The following TMEM178B variants were observed in gnomAD, a reference collection of about 807,000 sequenced individuals.
The protein encoded by TMEM178B is transmembrane protein 178B.
TMEM178B carries 5 observed loss-of-function variants against 31.0 expected under a neutral mutation model. That is an observed-to-expected ratio of 0.16 (90% CI 0.08 to 0.34). The LOEUF (loss-of-function observed/expected upper bound fraction) is 0.34. Among genes scored for constraint, TMEM178B ranks in the 10% least tolerant of loss-of-function variants. The pLI, the probability that TMEM178B is intolerant of heterozygous loss-of-function variation, is 1.00. For missense variants in TMEM178B, 275 were observed against 400.3 expected (o/e 0.69, Z 2.67); for synonymous variants, 164 against 164.0 (o/e 1.00, Z 0.00).
At chr7:141,463,192 GT>G (rs1802088530) in intron 3 of TMEM178B, among the ~76,000 whole-genome samples, 2 of 152,150 alleles carry the variant, frequency 1.3e-5, no homozygotes, top group South Asian at 4.2e-4. Context: ...ATTAGTTTTC[GT>G]TTCTCATTCC....
intron 2 of TMEM178B, among the ~76,000 whole-genome samples, chr7:141,295,398 C>G (rs1798614389): frequency 6.6e-6 from 1 of 152,162 alleles, no homozygotes; most frequent in South Asian, 2.1e-4. Flanking sequence ...AGCTGGTGAC[C>G]CAGCAGGTGT....
At chr7:141,346,889 G>T (rs575585500) in intron 2 of TMEM178B, among the ~76,000 whole-genome samples, 153 of 152,292 alleles carry the variant, frequency 1.0e-3, no homozygotes, top group African/African-American at 3.6e-3. Flanking sequence ...ATCCCCATAT[G>T]TTGAAGGTGG....
At chr7:141,324,595 A>C (rs1799158495) in intron 2 of TMEM178B, among the ~76,000 whole-genome samples, 1 of 151,746 alleles carries the variant, frequency 6.6e-6, no homozygotes, top group African/African-American at 2.4e-5. Context: ...CATGCCTTTG[A>C]GCAATTTCTC....
At chr7:141,401,458 G>C (rs1800765118) in intron 2 of TMEM178B, among the ~76,000 whole-genome samples, 2 of 152,156 alleles carry the variant, frequency 1.3e-5, no homozygotes, top group African/African-American at 4.8e-5. Flanking sequence ...CTGTCACCCA[G>C]GCTCGAGCAC....
intron 1 of TMEM178B, among the ~76,000 whole-genome samples, chr7:141,198,527 T>G (rs1796822630): frequency 6.6e-6 from 1 of 152,254 alleles, no homozygotes; most frequent in Admixed American, 6.5e-5. Flanking sequence ...TGCTGAATCC[T>G]TAATTTAAAG....
At chr7:141,086,752 T>C (rs1415409961) in intron 1 of TMEM178B, among the ~76,000 whole-genome samples, 3 of 152,264 alleles carry the variant, frequency 2.0e-5, no homozygotes, top group East Asian at 1.9e-4. Context: ...CACGCTGGAG[T>C]GCAGTGGTGT....
chr7:141,175,252 G>A (rs951418489), intron 1 of TMEM178B, among the ~76,000 whole-genome samples: 1 of 152,138 alleles, frequency 6.6e-6, no homozygotes, highest in African/African-American at 2.4e-5. Context: ...TGTCAGGTTT[G>A]TCAAAGATCA....
At chr7:141,504,036 GA>G in the TMEM178B span, among the ~76,000 whole-genome samples, 1 of 152,196 alleles carries the variant, frequency 6.6e-6, no homozygotes, top group African/African-American at 2.4e-5. Context: ...CAGAATTTTA[GA>G]AGAAAAGACC....
At chr7:141,179,333 T>C (rs1796480932) in intron 1 of TMEM178B, among the ~76,000 whole-genome samples, 1 of 152,198 alleles carries the variant, frequency 6.6e-6, no homozygotes, top group African/African-American at 2.4e-5. Context: ...AGTGGCAGCA[T>C]TTGCCAATGG....
chr7:141,253,848 G>A (rs969500425), intron 2 of TMEM178B, among the ~76,000 whole-genome samples: 12 of 152,096 alleles, frequency 7.9e-5, no homozygotes, highest in Admixed American at 4.6e-4. Flanking sequence ...CACCGCGCCC[G>A]GCCCCCTTCA....
In TMEM178B at chr7:141,241,420, C is replaced by T. The variant is rs142657871; in HGVS notation, c.496+28716C>T. Among the ~76,000 whole-genome samples the T allele has an allele frequency of 2.6e-3, 392 of 151,704 alleles. 1 individual carries two copies. The highest frequency in any genetic ancestry group is 0.017 in the Middle Eastern group (5 of 294). On this transcript the variant is annotated intron_variant, in intron 2 of 3. Transcript: ENST00000565468. Reference sequence around the variant, plus strand: ...CAGCCTGGCCAACATGGTGAAAACCCGTCTCTACTAAAAATACAAAAATTA... The same window carrying T: ...CAGCCTGGCCAACATGGTGAAAACCTGTCTCTACTAAAAATACAAAAATTA...
intron 2 of TMEM178B, among the ~76,000 whole-genome samples, chr7:141,423,805 GTTTTTTTTTTT>G (rs5888005): frequency 7.4e-5 from 8 of 108,798 alleles, no homozygotes; most frequent in Admixed American, 1.0e-4. Context: ...TGACATTTGT[GTTTTTTTTTTT>G]TTTTTTTTTT....
At chr7:141,078,910 G>A (rs546744164) in intron 1 of TMEM178B, among the ~76,000 whole-genome samples, 7 of 152,226 alleles carry the variant, frequency 4.6e-5, no homozygotes, top group South Asian at 2.1e-4. Context: ...CAGGGAGCTC[G>A]TATATCAAAT....
At chr7:141,105,438 C>T (rs1174701475) in intron 1 of TMEM178B, among the ~76,000 whole-genome samples, 1 of 152,118 alleles carries the variant, frequency 6.6e-6, no homozygotes, top group African/African-American at 2.4e-5. Flanking sequence ...ACCCAGGAGA[C>T]GGAGGTTGCA....
intron 2 of TMEM178B, among the ~76,000 whole-genome samples, chr7:141,263,260 CT>C (rs1290171877): frequency 5.3e-5 from 8 of 152,170 alleles, no homozygotes; most frequent in African/African-American, 1.9e-4. Flanking sequence ...CCTCTGGCTC[CT>C]TTTTCCTCTT....
intron 2 of TMEM178B, among the ~76,000 whole-genome samples, chr7:141,319,589 A>C (rs140076251): frequency 6.6e-6 from 1 of 151,784 alleles, no homozygotes; most frequent in African/African-American, 2.4e-5. Flanking sequence ...GTCTCACTCT[A>C]TTGCCCAGGC....
At chr7:141,332,058 G>A (rs1273193330) in intron 2 of TMEM178B, among the ~76,000 whole-genome samples, 1 of 152,192 alleles carries the variant, frequency 6.6e-6, no homozygotes, top group Non-Finnish European at 1.5e-5. Flanking sequence ...CCTCCTGGTT[G>A]TGACTGTCCA....
intron 1 of TMEM178B, among the ~76,000 whole-genome samples, chr7:141,141,284 A>ATT (rs113988861): frequency 2.0e-5 from 3 of 149,560 alleles, no homozygotes; most frequent in African/African-American, 7.4e-5. Context: ...TGCCCCATCA[A>ATT]TTTTTTTTTT....
chr7:141,123,523 C>T (rs750453962), intron 1 of TMEM178B, among the ~76,000 whole-genome samples: 4 of 152,208 alleles, frequency 2.6e-5, no homozygotes, highest in Non-Finnish European at 5.9e-5. Flanking sequence ...GGCTGTGCAC[C>T]TGCCTCAGAC....
Sources: allele counts gnomAD v4.1 joint callset (sites outside exome capture counted in the v4.1 genomes callset), GRCh38; gene constraint gnomAD v4.1.1; transcripts MANE v1.5; gene names NCBI Gene and HGNC (gene_info 2026-07-23, HGNC 2026-07-21).